SGCG: variants seen among roughly 807,000 people sequenced by gnomAD.
SGCG encodes gamma-sarcoglycan.
In SGCG, 26 loss-of-function variants were observed where a neutral mutation model predicts 29.3. The ratio of observed to expected loss-of-function variants is 0.89; its 90% confidence interval spans 0.65 to 1.23. The LOEUF is 1.23. SGCG is among the 50% of genes most tolerant of loss of function. SGCG has a pLI of 0.00. For missense variants in SGCG, 353 were observed against 356.0 expected (o/e 0.99, Z 0.07); for synonymous variants, 145 against 129.7 (o/e 1.12, Z -0.80).
chr13:23,292,259 G>A (rs372741933), intron 5 of SGCG, among the ~76,000 whole-genome samples: 30 of 152,182 alleles, frequency 2.0e-4, no homozygotes, highest in East Asian at 1.5e-3. Flanking sequence ...ACAGGCGTGC[G>A]CCACCACACC....
Position 23,250,710 on chromosome 13 carries a change from A to G in SGCG, c.378A>G (p.Leu126=), listed in dbSNP as rs753180283. Residue 126 remains leucine (L), a synonymous_variant, in exon 4 of 8, where the codon TTA becomes TTG. Transcript: ENST00000218867. ...RNSEGEVTGR[L]KVGPKMVEVQ... ...CAGAAGGGGAGGTCACAGGCAGGTT[A>G]AAAGTCGGTGAGTCCAGCTTCATCA... The G allele has an allele frequency of 1.9e-6, 3 of 1,603,540 alleles. No individual in the cohort carries two copies. The highest frequency in any genetic ancestry group is 1.1e-5 in the South Asian group (1 of 90,768).
intron 2 of SGCG, among the ~76,000 whole-genome samples, chr13:23,212,646 A>G (rs17078476): frequency 0.036 from 5,484 of 152,284 alleles, 213 homozygotes; most frequent in East Asian, 0.2. Flanking sequence ...CCTCAAAGGC[A>G]AATTAGACAG....
At chr13:23,255,953 C>T (rs1444877846) in intron 4 of SGCG, among the ~76,000 whole-genome samples, 1 of 152,192 alleles carries the variant, frequency 6.6e-6, no homozygotes, top group Admixed American at 6.6e-5. Context: ...TGAACCTGCT[C>T]ACACACCCAG....
At chr13:23,184,601 A>G (rs1239565530) in intron 1 of SGCG, among the ~76,000 whole-genome samples, 3 of 152,220 alleles carry the variant, frequency 2.0e-5, no homozygotes, top group Non-Finnish European at 4.4e-5. Context: ...TGGTACTGCA[A>G]TGTAGGCTGG....
chr13:23,192,327 G>A (rs900073099), intron 1 of SGCG, among the ~76,000 whole-genome samples: 6 of 152,102 alleles, frequency 3.9e-5, no homozygotes, highest in African/African-American at 9.7e-5. Context: ...TGTTCATGGA[G>A]TTTCTGTTGA....
intron 1 of SGCG, among the ~76,000 whole-genome samples, chr13:23,189,688 A>G (rs1877161489): frequency 1.3e-5 from 2 of 152,208 alleles, no homozygotes; most frequent in South Asian, 4.1e-4. Context: ...AGAGAAAACT[A>G]TCACCTTGCT....
Position 23,236,226 on chromosome 13 carries a change from T to C in SGCG, c.297+1514T>C, listed in dbSNP as rs557915203. Among the ~76,000 whole-genome samples, 268 of 152,318 alleles carry C rather than the reference T, an allele frequency of 1.8e-3. 2 individuals carry two copies. The highest frequency in any genetic ancestry group is 6.0e-3 in the African/African-American group (250 of 41,580). ...TGTAAAAGGGGAAGTCAGACATGAA[T>C]GAAGCATTCAAGTGTTAGAACTTGG... On this transcript the variant is annotated intron_variant, in intron 3 of 7. Coordinates refer to ENST00000218867, the MANE Select transcript of SGCG (RefSeq NM_000231.3).
At chr13:23,314,187 TATAG>T (rs1297788364) in intron 6 of SGCG, among the ~76,000 whole-genome samples, 271 of 96,926 alleles carry the variant, frequency 2.8e-3, no homozygotes, top group Non-Finnish European at 4.8e-3. Flanking sequence ...TATATATATA[TATAG>T]AGAGAGAGAG....
chr13:23,233,351 G>T (rs1309607260), intron 2 of SGCG, among the ~76,000 whole-genome samples: 1 of 152,124 alleles, frequency 6.6e-6, no homozygotes, highest in Non-Finnish European at 1.5e-5. Context: ...CTTACATAAG[G>T]TACTTAGAAT....
intron 1 of SGCG, among the ~76,000 whole-genome samples, chr13:23,201,259 A>G (rs1345040627): frequency 6.6e-5 from 10 of 152,148 alleles, no homozygotes; most frequent in African/African-American, 2.4e-4. Flanking sequence ...AAGTTTTCTC[A>G]GTGTTATGTA....
rs958535260 is a variant in SGCG at position 23,300,866 on chromosome 13, A to G, written c.578+5379A>G. ...CGCGGTGGCTCACGCCTGTAATCCC[A>G]GCACTTTGGGAGGCCGAGGCGGGCA... On this transcript the variant is annotated intron_variant, in intron 6 of 7. Transcript: ENST00000218867. 8.1e-4 allele frequency among the ~76,000 whole-genome samples: 123 copies of G among 151,408 alleles called. 2 individuals carry two copies. The highest frequency in any genetic ancestry group is 2.9e-3 in the African/African-American group (119 of 41,346).
intron 2 of SGCG, among the ~76,000 whole-genome samples, chr13:23,228,449 A>G (rs570660195): frequency 6.6e-6 from 1 of 152,272 alleles, no homozygotes; most frequent in Non-Finnish European, 1.5e-5. Context: ...TCTTTTTAAA[A>G]AATATTTTAA....
At chr13:23,221,238 G>A (rs1593180841) in intron 2 of SGCG, among the ~76,000 whole-genome samples, 1 of 152,124 alleles carries the variant, frequency 6.6e-6, no homozygotes, top group Non-Finnish European at 1.5e-5. Context: ...TAGTTGTTAG[G>A]ATAATTAAAG....
At chr13:23,279,597 T>G (rs1881224251) in intron 5 of SGCG, 119 bp downstream of exon 5, 3 of 837,034 alleles carry the variant, frequency 3.6e-6, no homozygotes, top group African/African-American at 1.8e-5. Flanking sequence ...TTGAATGTGT[T>G]GCATTTTCTC....
At chr13:23,184,453 A>G (rs1876888998) in intron 1 of SGCG, among the ~76,000 whole-genome samples, 1 of 152,194 alleles carries the variant, frequency 6.6e-6, no homozygotes, top group African/African-American at 2.4e-5. Flanking sequence ...AAATACTTAT[A>G]AAATAGATTA....
the SGCG span, among the ~76,000 whole-genome samples, chr13:23,172,563 G>C: frequency 2.0e-5 from 3 of 152,112 alleles, no homozygotes; most frequent in Admixed American, 1.3e-4. Flanking sequence ...AAATTGTATT[G>C]CTAACCATAT....
chr13:23,309,359 A>G (rs144076019), intron 6 of SGCG, among the ~76,000 whole-genome samples: 1 of 152,268 alleles, frequency 6.6e-6, no homozygotes, highest in Non-Finnish European at 1.5e-5. Context: ...CTTCTGCCTC[A>G]GCCTCCCAAG....
chr13:23,310,078 CTTTTTTT>C (rs144258130), intron 6 of SGCG, among the ~76,000 whole-genome samples: 3 of 60,766 alleles, frequency 4.9e-5, no homozygotes, highest in South Asian at 1.6e-3. Flanking sequence ...TTGTTTTTCT[CTTTTTTT>C]TTTTTTTTTT....
chr13:23,248,761 G>A (rs1879834842), intron 3 of SGCG, among the ~76,000 whole-genome samples: 1 of 151,522 alleles, frequency 6.6e-6, no homozygotes, highest in Non-Finnish European at 1.5e-5. Context: ...GGGAGGCCGA[G>A]GAGGGCGGAT....
Sources: gnomAD v4.1 joint callset for allele counts (sites outside exome capture counted in the v4.1 genomes callset) on GRCh38, gnomAD v4.1.1 for gene constraint, MANE v1.5 for transcripts, NCBI Gene and HGNC (gene_info 2026-07-23, HGNC 2026-07-21) for gene names.